The following COL5A2 variants were observed in gnomAD, a reference collection of about 807,000 sequenced individuals.
COL5A2 encodes the protein collagen alpha-2(V) chain.
In COL5A2, 23 loss-of-function variants were observed where a neutral mutation model predicts 208.2. That is an observed-to-expected ratio of 0.11 (90% confidence interval 0.08 to 0.16). The LOEUF (loss-of-function observed/expected upper bound fraction) is 0.16, where lower values mean the gene tolerates loss of function less well. Ranked by LOEUF, COL5A2 falls within the 10% of genes least tolerant of loss-of-function variation. The pLI is 1.00. For missense variants in COL5A2, 1,590 were observed against 1,956.4 expected (o/e 0.81, Z 3.53); for synonymous variants, 625 against 628.5 (o/e 0.99, Z 0.08).
At chr2:189,251,444 C>T in the COL5A2 span, among the ~76,000 whole-genome samples, 4,939 of 152,224 alleles carry the variant, frequency 0.032, 85 homozygotes, top group Admixed American at 0.047. Context: ...TTTCTGCCAT[C>T]TGACTCTGCC....
the COL5A2 span, among the ~76,000 whole-genome samples, chr2:189,396,362 C>G: frequency 6.6e-6 from 1 of 152,130 alleles, no homozygotes; most frequent in Non-Finnish European, 1.5e-5. Context: ...AAAAATACCA[C>G]CCTCATAGAA....
At chr2:189,342,330 T>G in the COL5A2 span, among the ~76,000 whole-genome samples, 2 of 148,640 alleles carry the variant, frequency 1.3e-5, no homozygotes, top group African/African-American at 4.9e-5. Context: ...AAGCCTTCTG[T>G]TAGAAACTAA....
rs1200656937 is a variant in COL5A2, at chr2:189,032,534, T to A, written c.*1536A>T. The A allele has an allele frequency of 6.6e-6, 1 of 152,156 alleles. No individual in the cohort carries two copies. Among genetic ancestry groups the A allele is most frequent in the Non-Finnish European group, 1.5e-5 (1 of 68,010 alleles). The allele number at this position is 152,156 out of a possible 1,614,324, so 9.4% of individuals were successfully genotyped here. On this transcript the variant is annotated 3_prime_UTR_variant, in exon 54 of 54. Coordinates refer to ENST00000374866, the MANE Select transcript of COL5A2 (RefSeq NM_000393.5). ...ACCACTGACATGACAAAAGCGTGCA[T>A]TTAATTTGATGCTTTGCAGAGATAC...
intron 9 of COL5A2, 152 bp downstream of exon 9, chr2:189,086,574 T>C: frequency 3.6e-6 from 2 of 550,388 alleles, no homozygotes; most frequent in South Asian, 3.0e-5. Flanking sequence ...TATTTCTAAA[T>C]AAAAACTATT....
the COL5A2 span, among the ~76,000 whole-genome samples, chr2:189,334,212 G>A: frequency 6.6e-6 from 1 of 151,910 alleles, no homozygotes; most frequent in East Asian, 1.9e-4. Context: ...GAACAAGGTA[G>A]GGTGTCTTCC....
the COL5A2 span, among the ~76,000 whole-genome samples, chr2:189,386,797 T>C: frequency 3.9e-5 from 6 of 152,316 alleles, no homozygotes; most frequent in South Asian, 1.2e-3. Context: ...CCAGTCAGAA[T>C]GGCTTTTGTT....
the COL5A2 span, among the ~76,000 whole-genome samples, chr2:189,425,077 G>GA: frequency 1.3e-5 from 2 of 152,130 alleles, no homozygotes; most frequent in African/African-American, 4.8e-5. Flanking sequence ...ATTGTATTGG[G>GA]AAAAATGGAC....
intron 1 of COL5A2, among the ~76,000 whole-genome samples, chr2:189,117,360 A>G (rs1337428805): frequency 6.6e-6 from 1 of 152,204 alleles, no homozygotes; most frequent in Non-Finnish European, 1.5e-5. Context: ...TTTCAGCAGT[A>G]ATTTTTATAG....
At chr2:189,063,150 A>G (rs768690056) in intron 27 of COL5A2, 22 bp downstream of exon 27, 1 of 1,612,418 alleles carries the variant, frequency 6.2e-7, no homozygotes, top group Non-Finnish European at 8.5e-7. Flanking sequence ...GAGGTGGCCA[A>G]CATATTATAC....
the COL5A2 span, among the ~76,000 whole-genome samples, chr2:189,247,738 C>A: frequency 1.3e-5 from 2 of 152,004 alleles, no homozygotes; most frequent in Non-Finnish European, 2.9e-5. Flanking sequence ...AGCTTCCACA[C>A]CCTGCTAATT....
In COL5A2 at chr2:189,057,253, C is replaced by A. The variant is rs1334564648; in HGVS notation, c.2337+67G>T. On this transcript the variant is annotated intron_variant, in intron 34 of 53. Coordinates refer to ENST00000374866, the MANE Select transcript of COL5A2 (RefSeq NM_000393.5). Reference sequence around the variant, plus strand: ...AGAAATAAAAGCCTGCTCAAGAAATCATTTCATTTTCAGCAGAAAGTCTGA... The same window carrying A: ...AGAAATAAAAGCCTGCTCAAGAAATAATTTCATTTTCAGCAGAAAGTCTGA... 7 of 876,734 alleles carry A rather than the reference C, an allele frequency of 8.0e-6. No homozygotes were observed. In the African/African-American group the frequency reaches 1.1e-4, roughly 13 times the overall value. The allele number at this position is 876,734 out of a possible 1,614,324, so 54.3% of individuals were successfully genotyped here. A position where few individuals can be genotyped will look rare whatever the true frequency, so the allele number is the denominator to read the frequency against.
chr2:189,416,687 T>C, the COL5A2 span, among the ~76,000 whole-genome samples: 1 of 152,360 alleles, frequency 6.6e-6, no homozygotes, highest in East Asian at 1.9e-4. Context: ...GTTGTGCACA[T>C]GTACCCTAAA....
the COL5A2 span, among the ~76,000 whole-genome samples, chr2:189,287,935 A>G: frequency 6.6e-6 from 1 of 152,324 alleles, no homozygotes; most frequent in South Asian, 2.1e-4. Flanking sequence ...ACTTATGGTT[A>G]TATTTCACCC....
At chr2:189,229,451 A>AC (rs397987016), upstream of COL5A2, among the ~76,000 whole-genome samples, 7 of 151,342 alleles carry the variant, frequency 4.6e-5, no homozygotes, top group African/African-American at 1.4e-4. Flanking sequence ...CAAAAAAAAA[A>AC]CCTATTAGAT....
the COL5A2 span, among the ~76,000 whole-genome samples, chr2:189,270,877 G>A: frequency 1.3e-5 from 2 of 152,054 alleles, no homozygotes; most frequent in Non-Finnish European, 2.9e-5. Flanking sequence ...CAAACAGAGA[G>A]CCAAATCATG....
At chr2:189,099,859 A>T (rs1687012289) in intron 4 of COL5A2, among the ~76,000 whole-genome samples, 1 of 152,178 alleles carries the variant, frequency 6.6e-6, no homozygotes, top group South Asian at 2.1e-4. Flanking sequence ...TCCACATGTA[A>T]TATATTTAAC....
the COL5A2 span, among the ~76,000 whole-genome samples, chr2:189,398,361 T>A: frequency 6.6e-6 from 1 of 152,172 alleles, no homozygotes; most frequent in African/African-American, 2.4e-5. Flanking sequence ...TACTTAGAAA[T>A]GTTATGTTAA....
chr2:189,056,757 C>A (rs758727226), intron 35 of COL5A2: 1 of 601,914 alleles, frequency 1.7e-6, no homozygotes, highest in Non-Finnish European at 3.0e-6. Context: ...ATCTCATAGG[C>A]ACAATAAATA....
At chr2:189,319,789 C>T in the COL5A2 span, among the ~76,000 whole-genome samples, 3 of 152,348 alleles carry the variant, frequency 2.0e-5, no homozygotes, top group African/African-American at 7.2e-5. Context: ...ACTTAAATGT[C>T]CCTGTCTGAC....
Sources: gnomAD v4.1 joint callset for allele counts (sites outside exome capture counted in the v4.1 genomes callset) on GRCh38, gnomAD v4.1.1 for gene constraint, MANE v1.5 for transcripts, NCBI Gene and HGNC (gene_info 2026-07-23, HGNC 2026-07-21) for gene names.